Variants in ZNF79 observed in about 807,000 individuals in gnomAD.
The protein encoded by ZNF79 is zinc finger protein 79, also known as ZNFpT7.
In ZNF79, 13 loss-of-function variants were observed where a neutral mutation model predicts 14.9. The ratio of observed to expected loss-of-function variants is 0.87; its 90% confidence interval spans 0.57 to 1.38. The LOEUF is 1.38. Among genes scored for constraint, ZNF79 ranks in the 40% most tolerant of loss-of-function variants. The pLI, the probability that ZNF79 is intolerant of heterozygous loss-of-function variation, is 0.00. For missense variants in ZNF79, 631 were observed against 630.6 expected, an observed-to-expected ratio of 1.00 and a Z score of -0.01; for synonymous variants, 223 against 235.1, an observed-to-expected ratio of 0.95 and a Z score of 0.47.
intron 4 of ZNF79, among the ~76,000 whole-genome samples, chr9:127,441,881 CTTG>C (rs1834053927): frequency 6.8e-6 from 1 of 146,598 alleles, no homozygotes; most frequent in Non-Finnish European, 1.5e-5. Flanking sequence ...GGAGGCAGAG[CTTG>C]CAGTGAGCCG....
At chr9:127,433,620 C>T (rs1833897923) in intron 2 of ZNF79, among the ~76,000 whole-genome samples, 1 of 152,160 alleles carries the variant, frequency 6.6e-6, no homozygotes. Context: ...GACCTGTGTG[C>T]CTTACAGCTC....
At position 127,444,966 on chromosome 9, in the gene ZNF79, T is replaced by G. The variant is rs1564240044; in HGVS notation, c.1266T>G (p.Cys422Trp). ...AGAAGCCATATAAATGTAATGAATG[T>G]GGGAAATTCTTCAGTGAGAGCTCAG... Reference protein sequence around the residue: ...TGEKPYKCNECGKFFSESSAL... With the variant: ...TGEKPYKCNEWGKFFSESSAL... The change falls in exon 5 of 5, where the codon TGT (cysteine) becomes TGG (tryptophan). Residue 422 changes from cysteine (C) to tryptophan (W), a missense_variant. Cys to Trp is a radical substitution (Grantham distance 215). Transcript: ENST00000342483. The G allele has an allele frequency of 1.2e-6, 2 of 1,613,696 alleles. No homozygotes were observed. Among genetic ancestry groups the G allele is most frequent in the Non-Finnish European group, 8.5e-7 (1 of 1,179,978 alleles).
At chr9:127,437,345 C>CCT (rs1554750090) in intron 4 of ZNF79, among the ~76,000 whole-genome samples, 3 of 151,766 alleles carry the variant, frequency 2.0e-5, no homozygotes, top group African/African-American at 7.3e-5. Flanking sequence ...AAGGCCCCCC[C>CCT]CCGCTGCCTG....
At chr9:127,426,706 CT>C (rs1746705324) in intron 1 of ZNF79, among the ~76,000 whole-genome samples, 1 of 152,138 alleles carries the variant, frequency 6.6e-6, no homozygotes, top group African/African-American at 2.4e-5. Context: ...TACTTCATCC[CT>C]TTTTGTGGTA....
chr9:127,438,610 T>C (rs1216077522), intron 4 of ZNF79, among the ~76,000 whole-genome samples: 1 of 152,188 alleles, frequency 6.6e-6, no homozygotes, highest in East Asian at 1.9e-4. Flanking sequence ...TGAGGACACC[T>C]GGCAGAGCCT....
At chr9:127,432,678 A>G (rs1833882624) in intron 2 of ZNF79, among the ~76,000 whole-genome samples, 1 of 152,082 alleles carries the variant, frequency 6.6e-6, no homozygotes, top group Admixed American at 6.6e-5. Flanking sequence ...AGGGTTTGAT[A>G]GCTCTGTCAG....
intron 2 of ZNF79, among the ~76,000 whole-genome samples, chr9:127,431,174 G>C (rs571797153): frequency 7.9e-5 from 12 of 151,722 alleles, no homozygotes; most frequent in African/African-American, 2.9e-4. Context: ...CTGGATATTA[G>C]ACTTTTGTCA....
At chr9:127,433,825 C>G (rs1442037944) in intron 2 of ZNF79, among the ~76,000 whole-genome samples, 1 of 152,180 alleles carries the variant, frequency 6.6e-6, no homozygotes, top group East Asian at 1.9e-4. Context: ...CAGGAAACAT[C>G]TTTGATTCAT....
At chr9:127,443,179 C>CCTAT in intron 4 of ZNF79, among the ~76,000 whole-genome samples, 1 of 152,068 alleles carries the variant, frequency 6.6e-6, no homozygotes, top group African/African-American at 2.4e-5. Context: ...GTGGCTCACA[C>CCTAT]CTATAATCCC....
Position 127,424,691 on chromosome 9 carries a change from C to G in ZNF79, c.-97C>G. On this transcript the variant is annotated 5_prime_UTR_variant, in exon 1 of 5. Coordinates refer to ENST00000342483, the MANE Select transcript of ZNF79 (RefSeq NM_007135.3). ...GAGAGGAAGAGTCCGGCCTGGGAGCCGTCAGAGCAGCCCTGCAGAACGGGG... is the reference window on the plus strand; with the variant it reads ...GAGAGGAAGAGTCCGGCCTGGGAGCGGTCAGAGCAGCCCTGCAGAACGGGG... 6.3e-7 allele frequency: 1 copy of G among 1,579,980 alleles called. No homozygotes were observed. Among genetic ancestry groups the G allele is most frequent in the Non-Finnish European group, 8.7e-7 (1 of 1,155,922 alleles).
At chr9:127,427,456 A>T (rs1053850355) in intron 1 of ZNF79, among the ~76,000 whole-genome samples, 1 of 151,368 alleles carries the variant, frequency 6.6e-6, no homozygotes, top group African/African-American at 2.4e-5. Flanking sequence ...ATACACACAG[A>T]AAATTATGTG....
chr9:127,424,666 G>C lies in ZNF79; in HGVS notation c.-122G>C. On this transcript the variant is annotated 5_prime_UTR_variant, in exon 1 of 5. Coordinates refer to ENST00000342483, the MANE Select transcript of ZNF79 (RefSeq NM_007135.3). Reference sequence around the variant, plus strand: ...ACCGTGCCTCTGCGGGGAGAGGCTGGAGAGGAAGAGTCCGGCCTGGGAGCC... The same window carrying C: ...ACCGTGCCTCTGCGGGGAGAGGCTGCAGAGGAAGAGTCCGGCCTGGGAGCC... The C allele has an allele frequency of 6.7e-7, 1 of 1,482,230 alleles. No individual in the cohort carries two copies. The highest frequency in any genetic ancestry group is 1.2e-5 in the South Asian group (1 of 84,948). 91.8% of individuals were successfully genotyped at this position (1,482,230 alleles called of 1,614,324 possible).
At chr9:127,439,157 T>C (rs1372376145) in intron 4 of ZNF79, among the ~76,000 whole-genome samples, 4 of 146,934 alleles carry the variant, frequency 2.7e-5, no homozygotes, top group Non-Finnish European at 6.0e-5. Context: ...ATGGGAGTTA[T>C]GAGCCAGGAA....
At chr9:127,435,764 G>A (rs1043401692) in intron 3 of ZNF79, 144 bp from the exon 4 acceptor site, 3 of 693,222 alleles carry the variant, frequency 4.3e-6, no homozygotes, top group East Asian at 2.5e-5. Context: ...AGCCCCTGGT[G>A]TAGGCACTAA....
chr9:127,439,245 C>T (rs1189032855), intron 4 of ZNF79, among the ~76,000 whole-genome samples: 3 of 151,964 alleles, frequency 2.0e-5, no homozygotes, highest in African/African-American at 7.3e-5. Flanking sequence ...TCTCATATCT[C>T]GGTGAATATG....
chr9:127,437,338 G>GCCC (rs11423510), intron 4 of ZNF79, among the ~76,000 whole-genome samples: 17 of 149,032 alleles, frequency 1.1e-4, no homozygotes, highest in African/African-American at 2.7e-4. Flanking sequence ...TTCTCTCAAG[G>GCCC]CCCCCCCCCG....
chr9:127,429,038 T>G lies in ZNF79; in HGVS notation c.105+118T>G, dbSNP rs759165363. The G allele has an allele frequency of 3.9e-4, 267 of 691,732 alleles. 1 individual carries two copies. In the Middle Eastern group the frequency reaches 0.017, roughly 43 times the overall value. 42.8% of individuals were successfully genotyped at this position (691,732 alleles called of 1,614,324 possible). A position where few individuals can be genotyped will look rare whatever the true frequency, so the allele number is the denominator to read the frequency against. On this transcript the variant is annotated intron_variant, in intron 2 of 4. Coordinates refer to ENST00000342483, the MANE Select transcript of ZNF79 (RefSeq NM_007135.3). The stretch of plus-strand genomic sequence containing the variant: ...TCTTTCTTTCTTTATTTTTTGAGAC[T>G]GAGTCTCACTCTGTCGCCCAGGCTG...
At chr9:127,428,618 T>C in intron 1 of ZNF79, 14 of 1,174,228 alleles carry the variant, frequency 1.2e-5, no homozygotes, top group Non-Finnish European at 1.5e-5. Flanking sequence ...GGATCATGGA[T>C]ACTTGAGAGT....
At chr9:127,437,744 C>T (rs1249117832) in intron 4 of ZNF79, among the ~76,000 whole-genome samples, 1 of 151,916 alleles carries the variant, frequency 6.6e-6, no homozygotes, top group Non-Finnish European at 1.5e-5. Flanking sequence ...TCACGCCAAT[C>T]TCTGTCCCTG....
Sources: gnomAD v4.1 joint callset for allele counts (sites outside exome capture counted in the v4.1 genomes callset) on GRCh38, gnomAD v4.1.1 for gene constraint, MANE v1.5 for transcripts, NCBI Gene and HGNC (gene_info 2026-07-23, HGNC 2026-07-21) for gene names.